PLCL2: variants seen among roughly 807,000 people sequenced by gnomAD.
The protein encoded by PLCL2 is inactive phospholipase C-like protein 2.
PLCL2 carries 4 observed loss-of-function variants against 79.6 expected under a neutral mutation model. The ratio of observed to expected loss-of-function variants is 0.05; its 90% CI spans 0.02 to 0.11. PLCL2 has a LOEUF of 0.11. Ranked by LOEUF, PLCL2 falls within the 10% of genes least tolerant of loss-of-function variation. The pLI is 1.00. For synonymous variants in PLCL2, 484 were observed against 457.7 expected (o/e 1.06, Z -0.73); for missense variants, 895 against 1,291.0 (o/e 0.69, Z 4.70).
chr3:16,928,154 G>A (rs1575533647), intron 1 of PLCL2, among the ~76,000 whole-genome samples: 2 of 152,176 alleles, frequency 1.3e-5, no homozygotes, highest in Non-Finnish European at 1.5e-5. Flanking sequence ...CACTGGGGAG[G>A]CAATGGTGAT....
At chr3:17,068,565 G>T (rs969382405) in intron 5 of PLCL2, among the ~76,000 whole-genome samples, 1 of 152,132 alleles carries the variant, frequency 6.6e-6, no homozygotes, top group Non-Finnish European at 1.5e-5. Flanking sequence ...ATTTCTTGAA[G>T]GGAAATGCTA....
intron 3 of PLCL2, 147 bp from the exon 4 acceptor site, chr3:17,042,727 A>C: frequency 1.6e-6 from 1 of 624,752 alleles, no homozygotes; most frequent in Non-Finnish European, 2.9e-6. Context: ...TTTCACATGC[A>C]CATTTGAAGT....
intron 5 of PLCL2, chr3:17,081,058 C>G (rs915280815): frequency 1.2e-5 from 5 of 417,580 alleles, no homozygotes; most frequent in African/African-American, 2.0e-5. Flanking sequence ...CGTAATCTCT[C>G]TAAACTCAGT....
chr3:16,980,281 C>G (rs933545273), intron 1 of PLCL2, among the ~76,000 whole-genome samples: 3 of 146,786 alleles, frequency 2.0e-5, no homozygotes, highest in African/African-American at 7.6e-5. Flanking sequence ...GCTGACCCCC[C>G]CCACCTCCCT....
At chr3:16,980,629 A>G (rs2063981862) in intron 1 of PLCL2, among the ~76,000 whole-genome samples, 1 of 150,970 alleles carries the variant, frequency 6.6e-6, no homozygotes, top group South Asian at 2.1e-4. Flanking sequence ...GCAGCCGGGC[A>G]GAGACGCTCC....
In PLCL2 at chr3:16,925,215, G is replaced by A. The variant is rs566274704; in HGVS notation, c.327+39849G>A. On this transcript the variant is annotated intron_variant, in intron 1 of 5. Transcript: ENST00000615277. ...TGGGATTACAGGCGTGAGCCACCGC[G>A]CCCGGCCAGGGTTTTTTTTTTTTTT... Among the ~76,000 whole-genome samples, 4 of 140,442 alleles carry A rather than the reference G, an allele frequency of 2.8e-5. 1 individual carries two copies. The highest frequency in any genetic ancestry group is 4.8e-4 in the South Asian group (2 of 4,160). 92.1% of individuals were successfully genotyped at this position (140,442 alleles called of 152,430 possible).
chr3:16,891,545 C>T (rs1696350443), intron 1 of PLCL2, among the ~76,000 whole-genome samples: 1 of 152,138 alleles, frequency 6.6e-6, no homozygotes, highest in South Asian at 2.1e-4. Context: ...AATCTGATAC[C>T]TCAGTACAAC....
At chr3:17,067,112 A>G (rs1471692103) in intron 4 of PLCL2, among the ~76,000 whole-genome samples, 2 of 152,210 alleles carry the variant, frequency 1.3e-5, no homozygotes, top group African/African-American at 4.8e-5. Flanking sequence ...TGTGAGTAGC[A>G]TAACCACAGA....
chr3:16,961,499 A>C (rs2063754313), intron 1 of PLCL2, among the ~76,000 whole-genome samples: 1 of 152,194 alleles, frequency 6.6e-6, no homozygotes, highest in South Asian at 2.1e-4. Flanking sequence ...AAGGAAGTTT[A>C]ATCCTGAGGG....
intron 1 of PLCL2, among the ~76,000 whole-genome samples, chr3:16,993,411 T>G (rs1164962064): frequency 2.6e-5 from 4 of 152,184 alleles, no homozygotes; most frequent in African/African-American, 7.2e-5. Flanking sequence ...ACCATTTCAT[T>G]CCCAGTGCTC....
chr3:17,073,224 GCAATAAAGCAAATATCA>G (rs2065077678), intron 5 of PLCL2, among the ~76,000 whole-genome samples: 1 of 152,042 alleles, frequency 6.6e-6, no homozygotes, highest in Non-Finnish European at 1.5e-5. Context: ...CCAGACCATG[GCAATAAAGCAAATATCA>G]CAATAAAGTG....
intron 5 of PLCL2, among the ~76,000 whole-genome samples, chr3:17,085,855 A>T (rs1403312276): frequency 6.6e-6 from 1 of 152,246 alleles, no homozygotes. Context: ...GTATAAATCT[A>T]ACAACATATA....
chr3:17,088,936 A>G (rs1287602456), intron 5 of PLCL2, among the ~76,000 whole-genome samples: 1 of 152,216 alleles, frequency 6.6e-6, no homozygotes, highest in Non-Finnish European at 1.5e-5. Flanking sequence ...TCAGAAAAGA[A>G]ATTAAAATTT....
intron 4 of PLCL2, among the ~76,000 whole-genome samples, chr3:17,058,181 A>G (rs920646994): frequency 2.6e-4 from 40 of 152,194 alleles, no homozygotes; most frequent in Admixed American, 2.0e-3. Flanking sequence ...GCAAGTGGAC[A>G]CAGACAGAAG....
At chr3:17,045,870 A>G (rs897059775) in intron 4 of PLCL2, among the ~76,000 whole-genome samples, 4 of 152,206 alleles carry the variant, frequency 2.6e-5, no homozygotes, top group Admixed American at 1.3e-4. Flanking sequence ...AAATTCTGAA[A>G]AAGAGAGGAG....
At chr3:16,995,222 G>A (rs60950144) in intron 1 of PLCL2, among the ~76,000 whole-genome samples, 1 of 152,218 alleles carries the variant, frequency 6.6e-6, no homozygotes, top group Non-Finnish European at 1.5e-5. Flanking sequence ...GTTTATTTAG[G>A]GTGTTAAGGC....
intron 1 of PLCL2, among the ~76,000 whole-genome samples, chr3:16,969,759 T>C (rs2063839816): frequency 6.6e-6 from 1 of 152,078 alleles, no homozygotes; most frequent in African/African-American, 2.4e-5. Flanking sequence ...GCTCTGATTT[T>C]GGTTCTTTTC....
intron 1 of PLCL2, among the ~76,000 whole-genome samples, chr3:16,889,234 A>G (rs2124913564): frequency 6.6e-6 from 1 of 152,248 alleles, no homozygotes; most frequent in Non-Finnish European, 1.5e-5. Context: ...CAGAGAGGTT[A>G]ACCCTGTGCC....
chr3:16,892,459 T>G (rs2124915241), intron 1 of PLCL2, among the ~76,000 whole-genome samples: 1 of 152,350 alleles, frequency 6.6e-6, no homozygotes, highest in African/African-American at 2.4e-5. Flanking sequence ...GTATTTGGTT[T>G]CTTTAAGTGA....
Sources: gnomAD v4.1 joint callset for allele counts (sites outside exome capture counted in the v4.1 genomes callset) on GRCh38, gnomAD v4.1.1 for gene constraint, MANE v1.5 for transcripts, NCBI Gene and HGNC (gene_info 2026-07-23, HGNC 2026-07-21) for gene names.